QPCT: variants seen among roughly 807,000 people sequenced by gnomAD.
The protein encoded by QPCT is EC.
A neutral mutation model predicts 43.4 loss-of-function variants in QPCT; 44 were observed. That is an observed-to-expected ratio of 1.01 (90% CI 0.80 to 1.30). The LOEUF is 1.30. QPCT is among the 50% of genes most tolerant of loss of function. The pLI, the probability that QPCT is intolerant of heterozygous loss-of-function variation, is 0.00. For synonymous variants in QPCT, 168 were observed against 168.4 expected, an observed-to-expected ratio of 1.00 and a Z score of 0.02; for missense variants, 526 against 436.5, an observed-to-expected ratio of 1.21 and a Z score of -1.83.
intron 2 of QPCT, among the ~76,000 whole-genome samples, chr2:37,356,199 C>T (rs1215466927): frequency 6.6e-6 from 1 of 152,174 alleles, no homozygotes; most frequent in South Asian, 2.1e-4. Flanking sequence ...AATAAATCCC[C>T]CTACCACTCT....
chr2:37,358,270 C>G (rs1672788823), intron 2 of QPCT, among the ~76,000 whole-genome samples: 1 of 151,786 alleles, frequency 6.6e-6, no homozygotes, highest in Non-Finnish European at 1.5e-5. Flanking sequence ...AAAAACAAAA[C>G]AAAAAAACCC....
chr2:37,366,259 A>G (rs1471003222), intron 3 of QPCT, among the ~76,000 whole-genome samples: 1 of 152,212 alleles, frequency 6.6e-6, no homozygotes, highest in Non-Finnish European at 1.5e-5. Context: ...GTGTAAAATC[A>G]GTTAGAATCC....
At chr2:37,354,488 A>G (rs966042395) in intron 2 of QPCT, among the ~76,000 whole-genome samples, 1 of 152,192 alleles carries the variant, frequency 6.6e-6, no homozygotes, top group African/African-American at 2.4e-5. Flanking sequence ...ATTTAAAAAG[A>G]TCTGAGGTTG....
rs775363073 is a variant in QPCT at position 37,352,897 on chromosome 2, C to A, written c.229C>A (p.Arg77=). 1.2e-6 allele frequency: 2 copies of A among 1,613,996 alleles called. No individual in the cohort carries two copies. Among genetic ancestry groups the A allele is most frequent in the South Asian group, 1.1e-5 (1 of 91,068 alleles). The change falls in exon 2 of 7, where the codon CGA becomes AGA. Residue 77 remains arginine (R), a synonymous_variant. Coordinates refer to ENST00000338415, the MANE Select transcript of QPCT (RefSeq NM_012413.4). Reference sequence around the variant, plus strand: ...TGACTTACAGCCATTGCTGATAGAGCGATACCCGGGATCCCCTGGAAGCTA... The same window carrying A: ...TGACTTACAGCCATTGCTGATAGAGAGATACCCGGGATCCCCTGGAAGCTA... ...QNDLQPLLIE[R]YPGSPGSYAA...
intron 2 of QPCT, among the ~76,000 whole-genome samples, chr2:37,355,660 G>A (rs1338287925): frequency 6.6e-6 from 1 of 151,770 alleles, no homozygotes; most frequent in East Asian, 1.9e-4. Flanking sequence ...GCTGCCTATT[G>A]GATTATTAGG....
At chr2:37,365,264 A>G (rs928445055) in intron 3 of QPCT, among the ~76,000 whole-genome samples, 5 of 152,146 alleles carry the variant, frequency 3.3e-5, no homozygotes, top group African/African-American at 1.2e-4. Flanking sequence ...GTGCTAAGGT[A>G]GGAGGAATAT....
In QPCT at chr2:37,347,168, T is replaced by TATATATAAC. The variant is rs1672511879; in HGVS notation, c.120+2324_120+2325insACATATATA. Among the ~76,000 whole-genome samples, 37 of 52,814 alleles carry TATATATAAC rather than the reference T, an allele frequency of 7.0e-4. 4 individuals are homozygous for TATATATAAC. Among genetic ancestry groups the TATATATAAC allele is most frequent in the Non-Finnish European group, 9.3e-4 (30 of 32,204 alleles). The allele number at this position is 52,814 out of a possible 152,430, so 34.6% of individuals were successfully genotyped here. On this transcript the variant is annotated intron_variant, in intron 1 of 6. Transcript: ENST00000338415. ...TTTATATATATATATATATATAACA[T>TATATATAAC]ATATATATATAACATATATATATAA...
intron 1 of QPCT, among the ~76,000 whole-genome samples, chr2:37,346,905 G>T (rs185945104): frequency 1.3e-5 from 2 of 151,764 alleles, no homozygotes; most frequent in Non-Finnish European, 2.9e-5. Flanking sequence ...GGTAAAGAAA[G>T]CATTGATTTT....
At chr2:37,368,908 C>T (rs1385806156) in intron 4 of QPCT, among the ~76,000 whole-genome samples, 1 of 152,066 alleles carries the variant, frequency 6.6e-6, no homozygotes. Context: ...TTCAAAGAAG[C>T]CTATTTTTTC....
intron 1 of QPCT, among the ~76,000 whole-genome samples, chr2:37,350,957 C>T (rs1472101383): frequency 1.3e-5 from 2 of 152,128 alleles, no homozygotes; most frequent in African/African-American, 4.8e-5. Flanking sequence ...AGATTTACAG[C>T]TAGTAGGTGG....
chr2:37,358,126 A>G (rs549325642), intron 2 of QPCT, among the ~76,000 whole-genome samples: 588 of 151,060 alleles, frequency 3.9e-3, no homozygotes, highest in South Asian at 0.016. Context: ...AAAAAAAAAG[A>G]AACAGCCTGG....
chr2:37,363,303 A>G (rs574985221), intron 3 of QPCT, among the ~76,000 whole-genome samples: 85 of 152,234 alleles, frequency 5.6e-4, no homozygotes, highest in African/African-American at 1.9e-3. Flanking sequence ...ACAAAGGATG[A>G]CCAGACATTT....
At chr2:37,360,464 C>G (rs1417618600) in intron 3 of QPCT, among the ~76,000 whole-genome samples, 1 of 152,008 alleles carries the variant, frequency 6.6e-6, no homozygotes. Context: ...TCTTGGTGTT[C>G]TTAAGGGTAT....
intron 2 of QPCT, chr2:37,358,814 C>G (rs547826754): frequency 6.6e-6 from 1 of 152,344 alleles, no homozygotes; most frequent in East Asian, 1.9e-4. Flanking sequence ...CTTATTAATT[C>G]TTACAGTGAG....
rs56740546 is a variant in QPCT, at chr2:37,365,077, G to GCA, written c.547-2136_547-2135dup. Among the ~76,000 whole-genome samples, 1,160 of 146,034 alleles carry GCA rather than the reference G, an allele frequency of 7.9e-3. 15 individuals are homozygous for GCA. Among genetic ancestry groups the GCA allele is most frequent in the Admixed American group, 0.028 (405 of 14,616 alleles). ...TATATAACAATACACACACAACACAGCACACACACACACACACACAAGACA... is the reference window on the plus strand; with the variant it reads ...TATATAACAATACACACACAACACAGCACACACACACACACACACACAAGACA... On this transcript the variant is annotated intron_variant, in intron 3 of 6. Transcript: ENST00000338415.
At chr2:37,354,461 T>C (rs1437513521) in intron 2 of QPCT, among the ~76,000 whole-genome samples, 1 of 152,244 alleles carries the variant, frequency 6.6e-6, no homozygotes, top group Non-Finnish European at 1.5e-5. Context: ...GATGCTATTA[T>C]TATCTCAATA....
intron 1 of QPCT, among the ~76,000 whole-genome samples, chr2:37,349,647 A>C (rs796302514): frequency 6.6e-6 from 1 of 152,172 alleles, no homozygotes. Context: ...TGGTTGTCAT[A>C]GTGACTGCTT....
At chr2:37,356,188 G>A (rs1223926812) in intron 2 of QPCT, among the ~76,000 whole-genome samples, 2 of 152,238 alleles carry the variant, frequency 1.3e-5, no homozygotes, top group East Asian at 3.9e-4. Context: ...TGTTAACCTA[G>A]AATAAATCCC....
intron 6 of QPCT, 38 bp from the exon 7 acceptor site, chr2:37,372,644 G>A (rs1673104334): frequency 1.2e-6 from 2 of 1,600,300 alleles, no homozygotes; most frequent in Non-Finnish European, 1.7e-6. Flanking sequence ...ACTCACTGGA[G>A]TAATGCACAT....
Sources: allele counts gnomAD v4.1 joint callset (sites outside exome capture counted in the v4.1 genomes callset), GRCh38; gene constraint gnomAD v4.1.1; transcripts MANE v1.5; gene names NCBI Gene and HGNC (gene_info 2026-07-23, HGNC 2026-07-21).